ELMO1: variants seen among roughly 807,000 people sequenced by gnomAD.
The protein encoded by ELMO1 is engulfment and cell motility protein 1.
In ELMO1, 26 loss-of-function variants were observed where a neutral mutation model predicts 98.9. The ratio of observed to expected loss-of-function variants is 0.26; its 90% CI spans 0.19 to 0.36. ELMO1 has a LOEUF of 0.36. Ranked by LOEUF, ELMO1 falls within the 10% of genes least tolerant of loss-of-function variation. The probability of loss-of-function intolerance (pLI) is 1.00; values close to 1 mark genes in which losing one functional copy is unlikely to be tolerated. For synonymous variants in ELMO1, 346 were observed against 346.0 expected (o/e 1.00, Z 0.00); for missense variants, 627 against 935.2 (o/e 0.67, Z 4.30).
intron 13 of ELMO1, among the ~76,000 whole-genome samples, chr7:37,167,890 T>G (rs1247386703): frequency 6.6e-6 from 1 of 152,020 alleles, no homozygotes; most frequent in Non-Finnish European, 1.5e-5. Flanking sequence ...TGGCCTGCCT[T>G]GCTAGATTGG....
intron 1 of ELMO1, among the ~76,000 whole-genome samples, chr7:37,444,944 T>C (rs150108962): frequency 2.0e-5 from 3 of 152,360 alleles, no homozygotes; most frequent in East Asian, 3.9e-4. Flanking sequence ...AAGTATTTCT[T>C]GTAGCCCTCT....
At chr7:37,316,511 A>G (rs554220608) in intron 2 of ELMO1, among the ~76,000 whole-genome samples, 1 of 152,208 alleles carries the variant, frequency 6.6e-6, no homozygotes, top group Non-Finnish European at 1.5e-5. Context: ...AGCCAGACAC[A>G]CTCCAGTAAT....
chr7:36,989,712 C>T (rs1027284727), intron 16 of ELMO1, among the ~76,000 whole-genome samples: 2 of 152,076 alleles, frequency 1.3e-5, no homozygotes, highest in African/African-American at 2.4e-5. Context: ...GGTGGGTAGA[C>T]AGCACAGTCT....
intron 13 of ELMO1, among the ~76,000 whole-genome samples, chr7:37,156,650 A>G (rs1269827912): frequency 6.6e-6 from 1 of 152,214 alleles, no homozygotes; most frequent in East Asian, 1.9e-4. Context: ...ATAGAACAAT[A>G]ACAGGTTCTG....
chr7:37,016,628 G>C (rs747971722), intron 15 of ELMO1, among the ~76,000 whole-genome samples: 1 of 152,122 alleles, frequency 6.6e-6, no homozygotes, highest in Non-Finnish European at 1.5e-5. Context: ...CAGCAAGTGC[G>C]TAGCCAGTGC....
intron 6 of ELMO1, among the ~76,000 whole-genome samples, chr7:37,254,373 G>T (rs1378939911): frequency 6.6e-6 from 1 of 152,106 alleles, no homozygotes; most frequent in Non-Finnish European, 1.5e-5. Context: ...TATCAAACTG[G>T]GACGGCTTAC....
chr7:37,306,398 G>C (rs189246983), intron 4 of ELMO1, among the ~76,000 whole-genome samples: 1 of 152,318 alleles, frequency 6.6e-6, no homozygotes, highest in East Asian at 1.9e-4. Context: ...CTTAAGAAAG[G>C]AGGTTGGACT....
chr7:37,448,348 C>T (rs143537034), intron 1 of ELMO1, among the ~76,000 whole-genome samples: 2,579 of 151,732 alleles, frequency 0.017, 25 homozygotes, highest in Non-Finnish European at 0.026. Context: ...GGCGGGCTCC[C>T]GGGCCCCGGG....
intron 16 of ELMO1, among the ~76,000 whole-genome samples, chr7:36,966,797 T>C (rs1007004392): frequency 3.9e-5 from 6 of 152,206 alleles, no homozygotes; most frequent in Non-Finnish European, 5.9e-5. Flanking sequence ...AGGACCAGAA[T>C]AGAAACACCA....
At chr7:36,891,147 A>G (rs1307967059) in intron 17 of ELMO1, among the ~76,000 whole-genome samples, 1 of 152,228 alleles carries the variant, frequency 6.6e-6, no homozygotes, top group Non-Finnish European at 1.5e-5. Flanking sequence ...CACTGCATGT[A>G]TCTCCTCTTA....
chr7:37,251,885 T>G (rs1195305404), intron 6 of ELMO1, among the ~76,000 whole-genome samples: 1 of 152,194 alleles, frequency 6.6e-6, no homozygotes, highest in East Asian at 1.9e-4. Flanking sequence ...CAGCAAAGTC[T>G]CAGGATACAA....
chr7:37,118,069 C>T (rs1785722581), intron 14 of ELMO1, among the ~76,000 whole-genome samples: 1 of 152,174 alleles, frequency 6.6e-6, no homozygotes, highest in South Asian at 2.1e-4. Flanking sequence ...CAATCATTTG[C>T]TTCATAGTTA....
intron 1 of ELMO1, among the ~76,000 whole-genome samples, chr7:37,436,342 T>A (rs899003739): frequency 2.6e-5 from 4 of 152,154 alleles, no homozygotes; most frequent in African/African-American, 4.8e-5. Context: ...CTAGGTAAAA[T>A]AAAGTGACCA....
At chr7:37,292,808 C>T (rs1174839496) in intron 4 of ELMO1, among the ~76,000 whole-genome samples, 15 of 105,778 alleles carry the variant, frequency 1.4e-4, no homozygotes, top group Admixed American at 2.6e-4. Flanking sequence ...CAGCCCCCCG[C>T]CCGGCCAGCC....
intron 16 of ELMO1, among the ~76,000 whole-genome samples, chr7:36,987,734 C>A (rs1172671382): frequency 1.3e-5 from 2 of 152,180 alleles, no homozygotes; most frequent in Non-Finnish European, 2.9e-5. Context: ...TCAGTATAAA[C>A]CCCATATCCA....
chr7:37,189,778 C>T (rs1178887346), intron 13 of ELMO1, among the ~76,000 whole-genome samples: 3 of 152,108 alleles, frequency 2.0e-5, no homozygotes, highest in African/African-American at 7.2e-5. Context: ...TTTTGTGGAA[C>T]AAATCAAGTA....
intron 15 of ELMO1, among the ~76,000 whole-genome samples, chr7:37,016,868 G>A (rs893335980): frequency 6.6e-6 from 1 of 152,188 alleles, no homozygotes; most frequent in Non-Finnish European, 1.5e-5. Flanking sequence ...TCAAGGTCGA[G>A]TTGGCTCCAA....
At chr7:37,109,047 T>C (rs1342415228) in intron 14 of ELMO1, among the ~76,000 whole-genome samples, 1 of 152,204 alleles carries the variant, frequency 6.6e-6, no homozygotes, top group Admixed American at 6.5e-5. Flanking sequence ...AACTTCCTTC[T>C]TCATCAGGAG....
intron 16 of ELMO1, among the ~76,000 whole-genome samples, chr7:36,903,760 C>G (rs962078993): frequency 1.4e-4 from 21 of 152,240 alleles, no homozygotes; most frequent in African/African-American, 5.1e-4. Flanking sequence ...GGCCTGCACC[C>G]TTCCCTCTGT....
Sources: allele counts gnomAD v4.1 joint callset (sites outside exome capture counted in the v4.1 genomes callset), GRCh38; gene constraint gnomAD v4.1.1; transcripts MANE v1.5; gene names NCBI Gene and HGNC (gene_info 2026-07-23, HGNC 2026-07-21).